The following PALS1 variants were observed in gnomAD, a reference collection of about 807,000 sequenced individuals.
PALS1 encodes protein associated with LIN7 1, MAGUK p55 family member.
Under a neutral mutation model 78.9 loss-of-function variants are expected in PALS1, and 31 were observed. That is an observed-to-expected ratio of 0.39 (90% confidence interval 0.30 to 0.53). PALS1 has a LOEUF of 0.53. PALS1 is among the 20% of genes least tolerant of loss of function. The probability of loss-of-function intolerance (pLI) is 0.67; values close to 1 mark genes in which losing one functional copy is unlikely to be tolerated. For synonymous variants in PALS1, 276 were observed against 270.9 expected (o/e 1.02, Z -0.18); for missense variants, 704 against 826.5 (o/e 0.85, Z 1.82).
intron 1 of PALS1, among the ~76,000 whole-genome samples, chr14:67,248,993 C>T (rs1210773587): frequency 6.6e-6 from 1 of 150,724 alleles, no homozygotes; most frequent in African/African-American, 2.4e-5. Flanking sequence ...GACCAAGTCT[C>T]ACTCTGTCCC....
At chr14:67,273,353 A>G (rs774588185) in intron 2 of PALS1, among the ~76,000 whole-genome samples, 10 of 147,774 alleles carry the variant, frequency 6.8e-5, no homozygotes, top group Non-Finnish European at 1.3e-4. Context: ...ATTCCCACCT[A>G]TGAGTGAGAA....
chr14:67,249,893 T>C (rs1054789778), intron 1 of PALS1, among the ~76,000 whole-genome samples: 2 of 152,232 alleles, frequency 1.3e-5, no homozygotes, highest in Non-Finnish European at 2.9e-5. Context: ...CCTATGAATG[T>C]AGTGAGCTAG....
intron 3 of PALS1, among the ~76,000 whole-genome samples, chr14:67,284,865 A>G (rs72717375): frequency 0.024 from 3,646 of 152,172 alleles, 69 homozygotes; most frequent in Non-Finnish European, 0.036. Flanking sequence ...CCACTGTACA[A>G]ATATACCACA....
At chr14:67,324,591 C>T (rs535718533) in intron 14 of PALS1, among the ~76,000 whole-genome samples, 13 of 151,758 alleles carry the variant, frequency 8.6e-5, no homozygotes, top group African/African-American at 2.4e-4. Flanking sequence ...TTGTTTTGGT[C>T]GTTGCTGTTT....
intron 1 of PALS1, among the ~76,000 whole-genome samples, chr14:67,265,588 G>A (rs923792294): frequency 6.6e-6 from 1 of 151,882 alleles, no homozygotes; most frequent in Admixed American, 6.6e-5. Flanking sequence ...CCAGCGCAGT[G>A]GCTCACGCCT....
intron 2 of PALS1, among the ~76,000 whole-genome samples, chr14:67,275,092 C>G (rs996628378): frequency 6.6e-6 from 1 of 152,116 alleles, no homozygotes; most frequent in African/African-American, 2.4e-5. Flanking sequence ...TCCTCTTTTC[C>G]TAATTGAATA....
chr14:67,261,094 G>A (rs2084229032), intron 1 of PALS1, among the ~76,000 whole-genome samples: 2 of 152,164 alleles, frequency 1.3e-5, no homozygotes, highest in South Asian at 4.1e-4. Context: ...GATTAAATGA[G>A]ATAATGTATG....
intron 4 of PALS1, among the ~76,000 whole-genome samples, chr14:67,295,557 A>G (rs1283323132): frequency 6.6e-6 from 1 of 152,084 alleles, no homozygotes; most frequent in Non-Finnish European, 1.5e-5. Flanking sequence ...AATTGACAAC[A>G]GTCACTTCAC....
intron 1 of PALS1, among the ~76,000 whole-genome samples, chr14:67,266,907 C>T (rs944171525): frequency 3.3e-5 from 5 of 151,876 alleles, no homozygotes; most frequent in African/African-American, 9.7e-5. Context: ...CCTAGGAGTT[C>T]GACACCAGCC....
At chr14:67,280,620 A>T (rs2140688067) in intron 3 of PALS1, among the ~76,000 whole-genome samples, 1 of 152,290 alleles carries the variant, frequency 6.6e-6, no homozygotes, top group Admixed American at 6.5e-5. Flanking sequence ...TCAGGTGTTG[A>T]TGTACTACAC....
intron 3 of PALS1, among the ~76,000 whole-genome samples, chr14:67,280,792 T>TTTCCTTCCTTCCTTCCTTCCTTCC (rs781369868): frequency 3.1e-4 from 24 of 77,662 alleles, no homozygotes; most frequent in Non-Finnish European, 4.8e-4. Context: ...TCTGGAGCAG[T>TTTCCTTCCTTCCTTCCTTCCTTCC]TTCCTTCCTT....
intron 3 of PALS1, among the ~76,000 whole-genome samples, chr14:67,284,335 C>T (rs1392918281): frequency 1.3e-5 from 2 of 150,154 alleles, no homozygotes; most frequent in African/African-American, 2.5e-5. Context: ...TGGTGGTTCA[C>T]GCCCGTATTA....
rs41285538 is a variant in PALS1 at position 67,335,962 on chromosome 14, C to G, written c.*3006C>G. On this transcript the variant is annotated 3_prime_UTR_variant, in exon 15 of 15. Transcript: ENST00000261681. ...AAAATACTTTTTGATTTGTTCTTTA[C>G]AGAGGGATAGTGCCCCCTGTTGGCA... The G allele has an allele frequency of 0.17, 25,019 of 144,830 alleles. 2,532 individuals carry two copies. Among genetic ancestry groups the G allele is most frequent in the Non-Finnish European group, 0.24 (15,611 of 64,426 alleles). The allele number at this position is 144,830 out of a possible 1,614,324, so 9.0% of individuals were successfully genotyped here.
chr14:67,302,587 TAGA>T lies in PALS1; in HGVS notation c.963+21_963+23del. The T allele has an allele frequency of 2.8e-6, 4 of 1,450,408 alleles. No individual in the cohort carries two copies. Among genetic ancestry groups the T allele is most frequent in the Non-Finnish European group, 2.7e-6 (3 of 1,097,610 alleles). The allele number at this position is 1,450,408 out of a possible 1,614,324, so 89.8% of individuals were successfully genotyped here. A position where few individuals can be genotyped will look rare whatever the true frequency, so the allele number is the denominator to read the frequency against. On this transcript the variant is annotated intron_variant, in intron 7 of 14. Coordinates refer to ENST00000261681, the MANE Select transcript of PALS1 (RefSeq NM_022474.4). Reference sequence around the variant, plus strand: ...TGACTTGTTGGTAAGTTGACGCAGCTAGAAGAATAATTGATAGCTTTTAGAAAG... The same window carrying T: ...TGACTTGTTGGTAAGTTGACGCAGCTAGAATAATTGATAGCTTTTAGAAAG...
intron 14 of PALS1, among the ~76,000 whole-genome samples, chr14:67,329,928 G>A (rs1261161746): frequency 2.0e-5 from 3 of 150,928 alleles, no homozygotes; most frequent in African/African-American, 7.3e-5. Flanking sequence ...GATGCAAAAT[G>A]TAACCAACCA....
At chr14:67,307,902 A>G (rs951853475) in intron 8 of PALS1, among the ~76,000 whole-genome samples, 1 of 152,210 alleles carries the variant, frequency 6.6e-6, no homozygotes, top group Non-Finnish European at 1.5e-5. Context: ...GAATGCAGCC[A>G]TAAAAAAATG....
chr14:67,321,872 T>C (rs1415780500), intron 13 of PALS1, among the ~76,000 whole-genome samples: 1 of 152,164 alleles, frequency 6.6e-6, no homozygotes, highest in Non-Finnish European at 1.5e-5. Flanking sequence ...AGTACTTTAA[T>C]TTGAGTCTAT....
At chr14:67,297,636 C>T (rs1028279088) in intron 4 of PALS1, among the ~76,000 whole-genome samples, 4 of 151,952 alleles carry the variant, frequency 2.6e-5, no homozygotes, top group African/African-American at 7.3e-5. Context: ...TGTAATTGTC[C>T]AGATGTAAGA....
Position 67,297,819 on chromosome 14 carries a change from A to G in PALS1, c.577-3570A>G, listed in dbSNP as rs538708260. ...AGTGCTATTTGTCAGACATTCTGCC[A>G]ATAGTCAGATATGAAGCTGAATAAG... On this transcript the variant is annotated intron_variant, in intron 4 of 14. Transcript: ENST00000261681. Among the ~76,000 whole-genome samples the G allele has an allele frequency of 1.5e-3, 226 of 152,380 alleles. 1 individual carries two copies. Among genetic ancestry groups the G allele is most frequent in the Non-Finnish European group, 2.5e-3 (173 of 68,042 alleles).
Sources: allele counts gnomAD v4.1 joint callset (sites outside exome capture counted in the v4.1 genomes callset), GRCh38; gene constraint gnomAD v4.1.1; transcripts MANE v1.5; gene names NCBI Gene and HGNC (gene_info 2026-07-23, HGNC 2026-07-21).